ACAP2: variants seen among roughly 807,000 people sequenced by gnomAD.
ACAP2 encodes the protein ArfGAP with coiled-coil, ankyrin repeat and PH domains 2.
In ACAP2, 39 loss-of-function variants were observed where a neutral mutation model predicts 115.8. The ratio of observed to expected loss-of-function variants is 0.34; its 90% CI spans 0.26 to 0.44. ACAP2 has a LOEUF of 0.44. Ranked by LOEUF, ACAP2 falls within the 20% of genes least tolerant of loss-of-function variation. The probability of loss-of-function intolerance (pLI) is 1.00; values close to 1 mark genes in which losing one functional copy is unlikely to be tolerated. For synonymous variants in ACAP2, 289 were observed against 315.8 expected, an observed-to-expected ratio of 0.92 and a Z score of 0.90; for missense variants, 662 against 927.6, an observed-to-expected ratio of 0.71 and a Z score of 3.72.
chr3:195,424,271 ATATATATATATATTTTTTTTT>A (rs1714457054), intron 1 of ACAP2, among the ~76,000 whole-genome samples: 1 of 50,646 alleles, frequency 2.0e-5, no homozygotes, highest in African/African-American at 6.9e-5. Flanking sequence ...GTATATATAT[ATATATATATATATTTTTTTTT>A]TTTTTTTTTT....
rs561278300 is a variant in ACAP2, at chr3:195,287,199, G to C, written c.2175-1342C>G. 3.9e-5 allele frequency among the ~76,000 whole-genome samples: 6 copies of C among 152,288 alleles called. 1 individual carries two copies. In the South Asian group the frequency reaches 1.2e-3, roughly 32 times the overall value. ...GAATAAGTGATAAAGAATAAGTGAC[G>C]ATACAAAACATGCTTGAGATTTCCT... On this transcript the variant is annotated intron_variant, in intron 21 of 22. Coordinates refer to ENST00000326793, the MANE Select transcript of ACAP2 (RefSeq NM_012287.6).
At chr3:195,418,817 T>C (rs1713943682) in intron 1 of ACAP2, among the ~76,000 whole-genome samples, 2 of 152,314 alleles carry the variant, frequency 1.3e-5, no homozygotes, top group South Asian at 2.1e-4. Flanking sequence ...TTGTTTATAA[T>C]AGTTGCTTAA....
At chr3:195,302,665 T>C (rs1469106678) in intron 13 of ACAP2, among the ~76,000 whole-genome samples, 1 of 151,932 alleles carries the variant, frequency 6.6e-6, no homozygotes, top group African/African-American at 2.4e-5. Flanking sequence ...CTTATATAAA[T>C]AGTAAAGAAG....
At chr3:195,330,439 A>T (rs568376893) in intron 8 of ACAP2, among the ~76,000 whole-genome samples, 51 of 152,338 alleles carry the variant, frequency 3.3e-4, no homozygotes, top group Non-Finnish European at 7.2e-4. Context: ...AAAATGATTA[A>T]ATGTTTTAAA....
At chr3:195,380,264 TAACC>T (rs1018125541) in intron 4 of ACAP2, among the ~76,000 whole-genome samples, 4 of 152,040 alleles carry the variant, frequency 2.6e-5, no homozygotes, top group African/African-American at 9.7e-5. Context: ...CTAAATATGC[TAACC>T]AACAAAAAAA....
At chr3:195,411,093 T>C in intron 1 of ACAP2, 1 of 236,414 alleles carries the variant, frequency 4.2e-6, no homozygotes, top group African/African-American at 2.3e-5. Context: ...TAAGAAGCCA[T>C]CTCACACCCA....
At chr3:195,333,757 C>T (rs1362251777) in intron 7 of ACAP2, among the ~76,000 whole-genome samples, 3 of 152,124 alleles carry the variant, frequency 2.0e-5, no homozygotes, top group Non-Finnish European at 4.4e-5. Context: ...GCTCCTTCAA[C>T]CAAGCTCACT....
chr3:195,292,856 A>C (rs959435719), intron 18 of ACAP2, among the ~76,000 whole-genome samples: 7 of 132,300 alleles, frequency 5.3e-5, no homozygotes, highest in Non-Finnish European at 1.1e-4. Flanking sequence ...CGGGAGGCAG[A>C]GGTTGCAGTG....
intron 1 of ACAP2, among the ~76,000 whole-genome samples, chr3:195,425,752 AC>A (rs1297577595): frequency 1.3e-5 from 2 of 152,256 alleles, no homozygotes; most frequent in Admixed American, 1.3e-4. Context: ...ATCTCCATCC[AC>A]CCAGCTGCTA....
At chr3:195,326,245 C>T (rs188846049) in intron 9 of ACAP2, 1 of 152,292 alleles carries the variant, frequency 6.6e-6, no homozygotes, top group East Asian at 1.9e-4. Context: ...CAGATAACTA[C>T]ACAAAAAGCA....
chr3:195,327,728 G>T (rs546997385), intron 8 of ACAP2, among the ~76,000 whole-genome samples: 1 of 151,974 alleles, frequency 6.6e-6, no homozygotes. Flanking sequence ...TCAGGACTTC[G>T]AGAACAGCCT....
At chr3:195,345,770 T>C (rs1450614261) in intron 4 of ACAP2, among the ~76,000 whole-genome samples, 2 of 152,190 alleles carry the variant, frequency 1.3e-5, no homozygotes, top group Non-Finnish European at 2.9e-5. Context: ...CGTGGGGACT[T>C]AAATGAATAT....
rs571635941 is a variant in ACAP2 at position 195,286,165 on chromosome 3, C to T, written c.2175-308G>A. The stretch of plus-strand genomic sequence containing the variant: ...GATGCCTGACAATTCCTGGCTCTTA[C>T]AGCAACCTGTCAAATTTTAACTGCC... On this transcript the variant is annotated intron_variant, in intron 21 of 22. Coordinates refer to ENST00000326793, the MANE Select transcript of ACAP2 (RefSeq NM_012287.6). 7.2e-5 allele frequency among the ~76,000 whole-genome samples: 11 copies of T among 152,320 alleles called. No individual in the cohort carries two copies. In the South Asian group the frequency reaches 2.3e-3, roughly 32 times the overall value.
chr3:195,307,243 A>G lies in ACAP2; in HGVS notation c.990T>C (p.Phe330=). 5 of 1,613,454 alleles carry G rather than the reference A, an allele frequency of 3.1e-6. No homozygotes were observed. The highest frequency in any genetic ancestry group is 4.2e-6 in the Non-Finnish European group (5 of 1,179,550). The stretch of plus-strand genomic sequence containing the variant: ...CTTACTTTGTTGGCGAGACCACCTC[A>G]AAGCAGAATCGTCGCTCTATGTCTT... ...HCEDIERRFC[F]EVVSPTKSCM... Residue 330 remains phenylalanine (F), a synonymous_variant, in exon 12 of 23, where the codon TTT becomes TTC. Transcript: ENST00000326793.
Position 195,425,555 on chromosome 3 carries a change from T to C in ACAP2, c.53+17240A>G, listed in dbSNP as rs188026024. 1.5e-3 allele frequency among the ~76,000 whole-genome samples: 235 copies of C among 152,272 alleles called. 2 individuals carry two copies. The highest frequency in any genetic ancestry group is 5.3e-3 in the African/African-American group (220 of 41,542). Reference sequence around the variant, plus strand: ...AAAGTTTACCATCTAAAAGTGAATATAGGATGGGATCACATCAGTTTTTAA... The same window carrying C: ...AAAGTTTACCATCTAAAAGTGAATACAGGATGGGATCACATCAGTTTTTAA... On this transcript the variant is annotated intron_variant, in intron 1 of 22. Coordinates refer to ENST00000326793, the MANE Select transcript of ACAP2 (RefSeq NM_012287.6).
chr3:195,338,138 T>C (rs1325647784), intron 6 of ACAP2, among the ~76,000 whole-genome samples: 1 of 152,274 alleles, frequency 6.6e-6, no homozygotes, highest in Non-Finnish European at 1.5e-5. Flanking sequence ...TCATTTATTT[T>C]ACTCAGAACA....
chr3:195,303,502 A>AC (rs1488069708), intron 13 of ACAP2, among the ~76,000 whole-genome samples: 3 of 147,840 alleles, frequency 2.0e-5, no homozygotes, highest in African/African-American at 5.0e-5. Flanking sequence ...CATGAGAATC[A>AC]CTTAAACCCA....
At chr3:195,405,188 C>G (rs1423366835) in intron 1 of ACAP2, among the ~76,000 whole-genome samples, 1 of 152,182 alleles carries the variant, frequency 6.6e-6, no homozygotes, top group Non-Finnish European at 1.5e-5. Context: ...ACGGACAGAT[C>G]GAGATCTGTG....
intron 10 of ACAP2, among the ~76,000 whole-genome samples, chr3:195,317,172 A>G (rs531521177): frequency 6.6e-6 from 1 of 152,214 alleles, no homozygotes; most frequent in Admixed American, 6.5e-5. Flanking sequence ...TGCTGGGATT[A>G]TAGGCGTGAG....
Sources: allele counts gnomAD v4.1 joint callset (sites outside exome capture counted in the v4.1 genomes callset), GRCh38; gene constraint gnomAD v4.1.1; transcripts MANE v1.5; gene names NCBI Gene and HGNC (gene_info 2026-07-23, HGNC 2026-07-21).